The following FAM25G variants were observed in gnomAD, a reference collection of about 807,000 sequenced individuals.
FAM25G encodes the protein family with sequence similarity 25 member G, also known as protein FAM25G.
Under a neutral mutation model 6.4 loss-of-function variants are expected in FAM25G, and 3 were observed. The ratio of observed to expected loss-of-function variants is 0.47; its 90% CI spans 0.21 to 1.21. FAM25G has a LOEUF of 1.21. Ranked by LOEUF, FAM25G falls within the 50% of genes most tolerant of loss-of-function variation. FAM25G has a pLI of 0.22. For synonymous variants in FAM25G, 15 were observed against 31.3 expected (o/e 0.48, Z 1.74); for missense variants, 34 against 76.0 (o/e 0.45, Z 2.06).
At position 47,491,675 on chromosome 10, in the gene FAM25G, C is replaced by T. The variant is rs1183963123; in HGVS notation, c.-1G>A. On this transcript the variant is annotated 5_prime_UTR_variant, in exon 1 of 3. Coordinates refer to ENST00000452267, the MANE Select transcript of FAM25G (RefSeq NM_001137549.2). ...CCAGCTTCCCCAGGCCTCCCAGCAT[C>T]GTGTGGCAGCAGACAGTGGCGAACT... The T allele has an allele frequency of 2.6e-6, 4 of 1,533,446 alleles. No homozygotes were observed. Among genetic ancestry groups the T allele is most frequent in the Non-Finnish European group, 3.5e-6 (4 of 1,134,626 alleles). 95.0% of individuals were successfully genotyped at this position (1,533,446 alleles called of 1,614,324 possible). A position where few individuals can be genotyped will look rare whatever the true frequency, so the allele number is the denominator to read the frequency against.
At position 47,487,383 on chromosome 10, in the gene FAM25G, G is replaced by A; in HGVS notation, c.162C>T (p.Ala54=). 3.0e-6 allele frequency: 3 copies of A among 984,482 alleles called. No individual in the cohort carries two copies. In the East Asian group the frequency reaches 9.2e-5, roughly 30 times the overall value. The allele number at this position is 984,482 out of a possible 1,614,324, so 61.0% of individuals were successfully genotyped here. The stretch of plus-strand genomic sequence containing the variant: ...TCATCTTTTTGTCCCCTGACTCCTG[G>A]GCTTTCTTTATGGCTTCAGCAATGG... The part of the protein sequence containing the change: ...EKAIAEAIKK[A]QESGDKKMKE... Residue 54 remains alanine, a synonymous_variant, in exon 3 of 3, where the codon GCC becomes GCT. Transcript: ENST00000452267.
intron 1 of FAM25G, among the ~76,000 whole-genome samples, chr10:47,490,625 C>T (rs1271668326): frequency 6.7e-6 from 1 of 150,310 alleles, no homozygotes; most frequent in Non-Finnish European, 1.5e-5. Flanking sequence ...GCAAGCCCTG[C>T]CTCAGCTTTT....
At chr10:47,490,012 C>T (rs1434102608) in intron 1 of FAM25G, among the ~76,000 whole-genome samples, 1 of 150,006 alleles carries the variant, frequency 6.7e-6, no homozygotes, top group Non-Finnish European at 1.5e-5. Context: ...TTGGCCCTGC[C>T]CGGCCTGGAA....
At chr10:47,488,816 C>T (rs1840093109) in intron 2 of FAM25G, among the ~76,000 whole-genome samples, 1 of 142,940 alleles carries the variant, frequency 7.0e-6, no homozygotes, top group Non-Finnish European at 1.5e-5. Context: ...CAAGCTCCAC[C>T]TTCCAGGTTC....
At chr10:47,489,814 T>C (rs1789240081) in intron 1 of FAM25G, among the ~76,000 whole-genome samples, 166 bp from the exon 2 acceptor site, 2 of 127,582 alleles carry the variant, frequency 1.6e-5, no homozygotes, top group South Asian at 3.0e-4. Context: ...GGCTGGCTTA[T>C]CCTCACAACA....
chr10:47,488,726 T>C (rs1840090448), intron 2 of FAM25G, among the ~76,000 whole-genome samples: 2 of 119,976 alleles, frequency 1.7e-5, no homozygotes, highest in African/African-American at 6.8e-5. Context: ...TTTTTTTTTT[T>C]TTTTTTTTTT....
intron 2 of FAM25G, among the ~76,000 whole-genome samples, chr10:47,488,025 C>A (rs1348906071): frequency 7.0e-6 from 1 of 143,470 alleles, no homozygotes; most frequent in Non-Finnish European, 1.5e-5. Flanking sequence ...AAATTAGCAC[C>A]CACATAAAAG....
intron 1 of FAM25G, among the ~76,000 whole-genome samples, 182 bp from the exon 2 acceptor site, chr10:47,489,830 A>T (rs1171744013): frequency 2.2e-5 from 3 of 133,884 alleles, no homozygotes; most frequent in African/African-American, 8.9e-5. Context: ...CAACAGACCT[A>T]TACATCCCTG....
rs1438408657 is a variant in FAM25G at position 47,488,876 on chromosome 10, C to T, written c.136+710G>A. The stretch of plus-strand genomic sequence containing the variant: ...CCGAGTAGCTAGGACTACAGGTGCC[C>T]GCCACCGTGCCCAGCTAATTTTTTG... On this transcript the variant is annotated intron_variant, in intron 2 of 2. Transcript: ENST00000452267. 8.2e-5 allele frequency among the ~76,000 whole-genome samples: 12 copies of T among 146,002 alleles called. No individual in the cohort carries two copies. In the East Asian group the frequency reaches 1.1e-3, roughly 13 times the overall value.
rs1338959265 is a variant in FAM25G, at chr10:47,487,259, G to A, written c.*16C>T. Reference sequence around the variant, plus strand: ...TTTTTATTGAGACTGGGGAAGGGCCGTGGTAGCAGGTGCACTCACTGTCCA... The same window carrying A: ...TTTTTATTGAGACTGGGGAAGGGCCATGGTAGCAGGTGCACTCACTGTCCA... On this transcript the variant is annotated 3_prime_UTR_variant, in exon 3 of 3. Transcript: ENST00000452267. 400 of 1,265,190 alleles carry A rather than the reference G, an allele frequency of 3.2e-4. 1 individual carries two copies. In the African/African-American group the frequency reaches 4.3e-3, roughly 14 times the overall value. The allele number at this position is 1,265,190 out of a possible 1,614,324, so 78.4% of individuals were successfully genotyped here.
chr10:47,491,549 C>T (rs1588940054), intron 1 of FAM25G, 53 bp downstream of exon 1: 15 of 1,426,130 alleles, frequency 1.1e-5, no homozygotes, highest in Non-Finnish European at 1.4e-5. Flanking sequence ...CCCACAGACC[C>T]AGTCTGCCCC....
chr10:47,488,831 C>T (rs1293710783), intron 2 of FAM25G, among the ~76,000 whole-genome samples: 3 of 142,466 alleles, frequency 2.1e-5, no homozygotes, highest in Non-Finnish European at 4.5e-5. Flanking sequence ...AGGTTCACGC[C>T]ATTCTCCTGC....
chr10:47,490,014 G>A (rs1208466813), intron 1 of FAM25G, among the ~76,000 whole-genome samples: 17 of 150,154 alleles, frequency 1.1e-4, no homozygotes, highest in South Asian at 4.2e-4. Context: ...GGCCCTGCCC[G>A]GCCTGGAATG....
intron 2 of FAM25G, among the ~76,000 whole-genome samples, chr10:47,488,788 C>T (rs1313347282): frequency 1.7e-5 from 2 of 119,878 alleles, no homozygotes; most frequent in East Asian, 2.7e-4. Flanking sequence ...AGTGCAGTGT[C>T]GCGATCTCGG....
At chr10:47,488,713 ATTT>A (rs1160121365) in intron 2 of FAM25G, among the ~76,000 whole-genome samples, 446 of 61,380 alleles carry the variant, frequency 7.3e-3, no homozygotes, top group African/African-American at 0.017. Context: ...TACATGTTAA[ATTT>A]TTTTTTTTTT....
Position 47,488,181 on chromosome 10 carries a change from AT to A in FAM25G, c.137-774del, listed in dbSNP as rs1172865596. 9.3e-4 allele frequency among the ~76,000 whole-genome samples: 121 copies of A among 130,352 alleles called. 1 individual carries two copies. The highest frequency in any genetic ancestry group is 3.5e-3 in the African/African-American group (118 of 34,068). The allele number at this position is 130,352 out of a possible 152,430, so 85.5% of individuals were successfully genotyped here. A position where few individuals can be genotyped will look rare whatever the true frequency, so the allele number is the denominator to read the frequency against. ...CATCCTCCAGGAGTGTGAGAAATAA[AT>A]TTCTGTTGTTTCTAAGTCACCCAGT... On this transcript the variant is annotated intron_variant, in intron 2 of 2. Coordinates refer to ENST00000452267, the MANE Select transcript of FAM25G (RefSeq NM_001137549.2).
rs1840105110 is a variant in FAM25G, at chr10:47,489,311, C to A, written c.136+275G>T. 4.1e-5 allele frequency among the ~76,000 whole-genome samples: 6 copies of A among 145,820 alleles called. No homozygotes were observed. The South Asian group carries it at 1.3e-3, about 32-fold the overall frequency. ...GGGATTACAGGCATGAGCCACCGCA[C>A]CCTGCCATGTTAAATGTTTTGTCCC... is the stretch of plus-strand genomic sequence containing the variant. On this transcript the variant is annotated intron_variant, in intron 2 of 2. Transcript: ENST00000452267.
At chr10:47,490,011 C>G (rs1199208592) in intron 1 of FAM25G, among the ~76,000 whole-genome samples, 2 of 150,286 alleles carry the variant, frequency 1.3e-5, no homozygotes, top group East Asian at 4.0e-4. Context: ...CTTGGCCCTG[C>G]CCGGCCTGGA....
At chr10:47,487,977 A>G (rs1389621058) in intron 2 of FAM25G, among the ~76,000 whole-genome samples, 4 of 149,840 alleles carry the variant, frequency 2.7e-5, no homozygotes, top group Non-Finnish European at 4.4e-5. Context: ...CTCAGTCTTA[A>G]TGTAATGATA....
Sources: gnomAD v4.1 joint callset for allele counts (sites outside exome capture counted in the v4.1 genomes callset) on GRCh38, gnomAD v4.1.1 for gene constraint, MANE v1.5 for transcripts, NCBI Gene and HGNC (gene_info 2026-07-23, HGNC 2026-07-21) for gene names.